Variants in RP1 observed in about 807,000 individuals in gnomAD.
RP1 encodes oxygen-regulated protein 1.
Under a neutral mutation model 14.8 loss-of-function variants are expected in RP1, and 16 were observed. The observed-to-expected ratio is 1.08, with a 90% CI of 0.73 to 1.65. RP1 has a LOEUF of 1.65. Ranked by LOEUF, RP1 falls within the 40% of genes most tolerant of loss-of-function variation. RP1 has a pLI of 0.00. For missense variants in RP1, 2,631 were observed against 2,535.0 expected (o/e 1.04, Z -0.81); for synonymous variants, 876 against 883.6 (o/e 0.99, Z 0.15).
chr8:54,848,807 G>A (rs1811990150), intron 25 of RP1, among the ~76,000 whole-genome samples: 1 of 152,090 alleles, frequency 6.6e-6, no homozygotes, highest in African/African-American at 2.4e-5. Flanking sequence ...AGAGTGCAGT[G>A]GCACGATCTC....
At chr8:54,794,933 C>A (rs1306827756) in intron 24 of RP1, among the ~76,000 whole-genome samples, 1 of 151,800 alleles carries the variant, frequency 6.6e-6, no homozygotes, top group Non-Finnish European at 1.5e-5. Flanking sequence ...GGGAAAAGAC[C>A]TGAATAGACA....
At chr8:54,559,769 G>T (rs868255595) in intron 1 of RP1, among the ~76,000 whole-genome samples, 4 of 152,160 alleles carry the variant, frequency 2.6e-5, no homozygotes, top group Admixed American at 1.3e-4. Flanking sequence ...GGCAGGACTG[G>T]CTGGAGGCAC....
chr8:54,621,407 C>G lies in RP1; in HGVS notation c.441C>G (p.Pro147=), dbSNP rs547844896. 5 of 1,613,198 alleles carry G rather than the reference C, an allele frequency of 3.1e-6. No homozygotes were observed. In the African/African-American group the frequency reaches 6.7e-5, roughly 22 times the overall value. The stretch of plus-strand genomic sequence containing the variant: ...CCCACCCCGTAGCCGTCGCTGCTCC[C>G]GGCATGCCCCGCCCCCCACGGAGCC... The part of the protein sequence containing the change: ...SPPHPVAVAA[P]GMPRPPRSLV... Residue 147 remains proline (P), a synonymous_variant, in exon 2 of 4, where the codon CCC becomes CCG. Coordinates refer to ENST00000220676, the MANE Select transcript of RP1 (RefSeq NM_006269.2).
chr8:54,740,898 T>A (rs1180995212), intron 19 of RP1, among the ~76,000 whole-genome samples: 1 of 151,666 alleles, frequency 6.6e-6, no homozygotes, highest in African/African-American at 2.4e-5. Context: ...TAGCCAGGCG[T>A]GGTGGCAGGC....
chr8:54,756,589 C>A (rs1384058649), intron 21 of RP1, among the ~76,000 whole-genome samples: 1 of 152,152 alleles, frequency 6.6e-6, no homozygotes, highest in Non-Finnish European at 1.5e-5. Context: ...TTAGGCCTAA[C>A]TTTTGCTATC....
intron 24 of RP1, among the ~76,000 whole-genome samples, chr8:54,804,449 G>A (rs1453580763): frequency 6.6e-6 from 1 of 152,130 alleles, no homozygotes; most frequent in Non-Finnish European, 1.5e-5. Flanking sequence ...TGGATGACCT[G>A]AGACTGTTGT....
intron 9 of RP1, among the ~76,000 whole-genome samples, chr8:54,679,147 CAGTT>C (rs1403275363): frequency 1.3e-5 from 2 of 152,156 alleles, no homozygotes; most frequent in African/African-American, 4.8e-5. Flanking sequence ...ACGACTTTGA[CAGTT>C]AGCAGGCTGA....
chr8:54,678,612 C>G (rs1035100135), intron 9 of RP1: 2 of 1,218,576 alleles, frequency 1.6e-6, no homozygotes, highest in Non-Finnish European at 2.3e-6. Flanking sequence ...AACTGGGTAA[C>G]TTATTTAGTT....
chr8:54,818,162 C>T (rs562004700), intron 24 of RP1, among the ~76,000 whole-genome samples: 1 of 152,344 alleles, frequency 6.6e-6, no homozygotes, highest in South Asian at 2.1e-4. Context: ...ACTGCCTTGG[C>T]TAGGTATGAA....
At chr8:54,803,398 C>G (rs76239473) in intron 24 of RP1, among the ~76,000 whole-genome samples, 4,362 of 152,242 alleles carry the variant, frequency 0.029, 120 homozygotes, top group African/African-American at 0.064. Flanking sequence ...GGATTATGAC[C>G]TATCTCCTGA....
intron 1 of RP1, among the ~76,000 whole-genome samples, chr8:54,582,721 A>C (rs181215971): frequency 0.081 from 12,358 of 151,946 alleles, 1,597 homozygotes; most frequent in African/African-American, 0.27. Context: ...TCCTTCACAT[A>C]CCTTGTAAGT....
intron 1 of RP1, among the ~76,000 whole-genome samples, chr8:54,602,884 GT>G (rs1199504177): frequency 4.6e-5 from 7 of 152,054 alleles, no homozygotes; most frequent in African/African-American, 1.7e-4. Context: ...TGATGGGGTT[GT>G]TTGTTTTTTT....
chr8:54,870,025 G>T, exon 29 of RP1: 1 of 648,310 alleles, frequency 1.5e-6, no homozygotes, highest in South Asian at 8.1e-5. Context: ...CTTTTGCTTG[G>T]GCTGGAGCAA....
intron 22 of RP1, among the ~76,000 whole-genome samples, chr8:54,769,022 A>G (rs1809836156): frequency 6.6e-6 from 1 of 151,230 alleles, no homozygotes; most frequent in African/African-American, 2.4e-5. Flanking sequence ...CAGCCTCCTG[A>G]GTAGCTGGGA....
chr8:54,602,371 C>A (rs979505830), intron 1 of RP1, among the ~76,000 whole-genome samples: 3 of 152,120 alleles, frequency 2.0e-5, no homozygotes, highest in African/African-American at 4.8e-5. Context: ...TGAACTCATC[C>A]TTTTTTATGG....
chr8:54,838,857 A>G (rs956264756), intron 25 of RP1, among the ~76,000 whole-genome samples: 9 of 152,202 alleles, frequency 5.9e-5, no homozygotes, highest in Non-Finnish European at 1.2e-4. Flanking sequence ...TGTGTCATGC[A>G]AGCTACTTAG....
intron 19 of RP1, among the ~76,000 whole-genome samples, chr8:54,752,519 A>C (rs1347273649): frequency 6.6e-6 from 1 of 152,208 alleles, no homozygotes; most frequent in Admixed American, 6.5e-5. Context: ...GACGTTACAA[A>C]TTTTTATTTG....
chr8:54,684,592 T>C (rs191661307), intron 12 of RP1, among the ~76,000 whole-genome samples: 8 of 152,340 alleles, frequency 5.3e-5, no homozygotes, highest in Admixed American at 2.0e-4. Context: ...TTCTAGTTTG[T>C]GTACATAGAG....
intron 26 of RP1, among the ~76,000 whole-genome samples, chr8:54,856,020 G>A (rs971598349): frequency 1.3e-5 from 2 of 150,780 alleles, no homozygotes; most frequent in East Asian, 1.9e-4. Context: ...CAGATATCAT[G>A]AAAAGACCCA....
Sources: gnomAD v4.1 joint callset for allele counts (sites outside exome capture counted in the v4.1 genomes callset) on GRCh38, gnomAD v4.1.1 for gene constraint, MANE v1.5 for transcripts, NCBI Gene and HGNC (gene_info 2026-07-23, HGNC 2026-07-21) for gene names.